The following MYH3 variants were observed in gnomAD, a reference collection of about 807,000 sequenced individuals.
MYH3 encodes myosin heavy chain 3, also known as myosin-3.
A neutral mutation model predicts 238.0 loss-of-function variants in MYH3; 130 were observed. The observed-to-expected ratio is 0.55, with a 90% CI of 0.47 to 0.63. MYH3 has a LOEUF of 0.63. Among genes scored for constraint, MYH3 ranks in the 30% least tolerant of loss-of-function variants. The pLI is 0.00. For missense variants in MYH3, 1,853 were observed against 2,374.9 expected, an observed-to-expected ratio of 0.78 and a Z score of 4.57; for synonymous variants, 880 against 924.1, an observed-to-expected ratio of 0.95 and a Z score of 0.86.
rs373545235 is a variant in MYH3, at chr17:10,642,206, C to G, written c.1959+34G>C. Reference sequence around the variant, plus strand: ...TTGCTCATTTAGATGTCACTTAAATCAATTATAAGCAAATAAACTTGTATT... The same window carrying G: ...TTGCTCATTTAGATGTCACTTAAATGAATTATAAGCAAATAAACTTGTATT... On this transcript the variant is annotated intron_variant, in intron 17 of 40. Coordinates refer to ENST00000583535, the MANE Select transcript of MYH3 (RefSeq NM_002470.4). The surrounding 1 kb of genome is among the most constrained non-coding windows in gnomAD (Gnocchi z 5.4). 6.3e-7 allele frequency: 1 copy of G among 1,580,566 alleles called. No homozygotes were observed. The highest frequency in any genetic ancestry group is 1.3e-5 in the African/African-American group (1 of 74,194).
intron 40 of MYH3, 41 bp from the exon 41 acceptor site, chr17:10,628,720 G>A: frequency 2.5e-6 from 4 of 1,610,846 alleles, no homozygotes; most frequent in East Asian, 2.2e-5. Context: ...TCGGGTGGCA[G>A]AGACACATTC....
rs932728946 is a variant in MYH3, at chr17:10,648,707, C to G, written c.643-58G>C. ...CATTTTTTTTTGAGATGGAGTTACA[C>G]TCTTGTTGCCCAGGCTGCAGTGCAA... On this transcript the variant is annotated intron_variant, in intron 7 of 40. Coordinates refer to ENST00000583535, the MANE Select transcript of MYH3 (RefSeq NM_002470.4). 6.3e-6 allele frequency: 9 copies of G among 1,433,146 alleles called. No individual in the cohort carries two copies. In the Admixed American group the frequency reaches 8.4e-5, roughly 13 times the overall value. The allele number at this position is 1,433,146 out of a possible 1,614,324, so 88.8% of individuals were successfully genotyped here.
rs1597490329 is a variant in MYH3 at position 10,647,298 on chromosome 17, G to C, written c.800-18C>G. On this transcript the variant is annotated intron_variant, in intron 9 of 40. Transcript: ENST00000583535. Reference sequence around the variant, plus strand: ...CAGAAGATCTGGAACACAAACACAGGACTCTCTTTCAAACTGTTCCCAGTT... The same window carrying C: ...CAGAAGATCTGGAACACAAACACAGCACTCTCTTTCAAACTGTTCCCAGTT... 6.2e-7 allele frequency: 1 copy of C among 1,613,580 alleles called. No individual in the cohort carries two copies. The highest frequency in any genetic ancestry group is 8.5e-7 in the Non-Finnish European group (1 of 1,179,478).
At position 10,633,674 on chromosome 17, in the gene MYH3, TG is replaced by T; in HGVS notation, c.4563del (p.Thr1523ProfsTer44). Reference sequence around the variant, plus strand: ...GATTTCTCCAGTTCATGGATGGTTTTGCCATTTTCAGCAATTTGTTCTGTGA... The same window carrying T: ...GATTTCTCCAGTTCATGGATGGTTTTCCATTTTCAGCAATTTGTTCTGTGA... ...ADLTEQIAEN[G>X]KTIHELEKSR... is the part of the protein sequence containing the mutation. On this transcript the variant is annotated frameshift_variant, in exon 33 of 41. Transcript: ENST00000583535. LOFTEE classifies it high-confidence loss of function. 6.2e-7 allele frequency: 1 copy of T among 1,614,126 alleles called. No individual in the cohort carries two copies. The highest frequency in any genetic ancestry group is 8.5e-7 in the Non-Finnish European group (1 of 1,180,014).
the MYH3 span, among the ~76,000 whole-genome samples, chr17:10,671,842 G>A: frequency 6.6e-6 from 1 of 152,250 alleles, no homozygotes; most frequent in South Asian, 2.1e-4. Flanking sequence ...GCCTCCCAAT[G>A]TGCTGGGATT....
At chr17:10,656,537 C>CAAAAAAAAAAAAAAAA (rs71139057) in intron 1 of MYH3, among the ~76,000 whole-genome samples, 2 of 55,898 alleles carry the variant, frequency 3.6e-5, no homozygotes, top group African/African-American at 9.9e-5. Flanking sequence ...AATTCTGTCT[C>CAAAAAAAAAAAAAAAA]AAAAAAAAAA....
chr17:10,655,913 G>T (rs2142433225), intron 2 of MYH3, among the ~76,000 whole-genome samples, 177 bp downstream of exon 2: 1 of 152,240 alleles, frequency 6.6e-6, no homozygotes, highest in South Asian at 2.1e-4. Flanking sequence ...GCCTCTCAAA[G>T]TGCTGGGATT....
intron 23 of MYH3, 40 bp downstream of exon 23, chr17:10,639,520 A>C (rs754725358): frequency 7.4e-6 from 12 of 1,613,982 alleles, no homozygotes; most frequent in African/African-American, 2.7e-5. Flanking sequence ...TTTAGTTTGC[A>C]ATGACTATAT....
At position 10,635,871 on chromosome 17, in the gene MYH3, T is replaced by C. The variant is rs750048610; in HGVS notation, c.3857-18A>G. On this transcript the variant is annotated intron_variant, in intron 28 of 40. Coordinates refer to ENST00000583535, the MANE Select transcript of MYH3 (RefSeq NM_002470.4). ...CAGCTCACCTGTGTCCAGAAGGAAA[T>C]AGTTTCATTTCATTTATTCACTCAT... 1.6e-5 allele frequency: 25 copies of C among 1,593,714 alleles called. No homozygotes were observed. In the South Asian group the frequency reaches 2.0e-4, roughly 13 times the overall value.
chr17:10,630,571 C>T (rs751219935), intron 36 of MYH3, 113 bp from the exon 37 acceptor site: 33 of 1,509,130 alleles, frequency 2.2e-5, no homozygotes, highest in Non-Finnish European at 2.8e-5. Context: ...AAGGACAGGC[C>T]AGGCGCGGTG....
Position 10,637,908 on chromosome 17 carries a change from G to T in MYH3, c.3757C>A (p.Leu1253Met). 1 of 1,614,124 alleles carries T rather than the reference G, an allele frequency of 6.2e-7. No homozygotes were observed. Among genetic ancestry groups the T allele is most frequent in the Non-Finnish European group, 8.5e-7 (1 of 1,180,032 alleles). The change falls in exon 28 of 41, where the codon CTG becomes ATG. Residue 1253 changes from leucine (L) to methionine (M), a missense_variant. Transcript: ENST00000583535. The part of the protein sequence containing the change: ...KANLEKICRT[L>M]EDQLSEARGK... ...CTGGCCTCACTTAACTGATCCTCCA[G>T]GGTTCGGCAGATTTTTTCCAGATTT...
At chr17:10,652,081 A>T in intron 4 of MYH3, 1 of 406,016 alleles carries the variant, frequency 2.5e-6, no homozygotes, top group African/African-American at 2.0e-5. Context: ...ATAAACTTAT[A>T]AAGGGGGGAG....
chr17:10,645,724 T>G lies in MYH3; in HGVS notation c.1124A>C (p.Glu375Ala). Residue 375 changes from glutamate (E) to alanine (A), a missense_variant, in exon 12 of 41, where the codon GAG becomes GCG. Around this residue, in one of 3 missense-constraint regions of MYH3, gnomAD observed 678 missense variants for 1,058.9 expected, o/e 0.64. Coordinates refer to ENST00000583535, the MANE Select transcript of MYH3 (RefSeq NM_002470.4). ...FKQKQREEQA[E>A]PDGTEVADKT... is the part of the protein sequence containing the mutation. ...TTTTGTACCTTCTGTGCCATCCGGC[T>G]CGGCCTGCTCCTCTCGCTGCTTCTG... The G allele has an allele frequency of 6.2e-7, 1 of 1,613,064 alleles. No individual in the cohort carries two copies. The highest frequency in any genetic ancestry group is 8.5e-7 in the Non-Finnish European group (1 of 1,179,996).
rs755306757 is a variant in MYH3 at position 10,642,433 on chromosome 17, C to T, written c.1872G>A (p.Thr624=). Residue 624 remains threonine (T), a synonymous_variant, in exon 16 of 41, where the codon ACG becomes ACA. Transcript: ENST00000583535. This position sits in a 1 kb window ranked among gnomAD's most constrained non-coding sequence, Gnocchi z 5.4. ...TCCTCTTACCATCCGCCGTGGCAAACGTGGCATAGAGGTGTGCCAGGAGCC... is the reference window on the plus strand; with the variant it reads ...TCCTCTTACCATCCGCCGTGGCAAATGTGGCATAGAGGTGTGCCAGGAGCC... The part of the protein sequence containing the change: ...SNRLLAHLYA[T]FATADADSGK... 23 of 1,614,096 alleles carry T rather than the reference C, an allele frequency of 1.4e-5. No homozygotes were observed. Among genetic ancestry groups the T allele is most frequent in the Admixed American group, 5.0e-5 (3 of 60,008 alleles).
At position 10,649,676 on chromosome 17, in the gene MYH3, G is replaced by A. The variant is rs574573501; in HGVS notation, c.543C>T (p.Ser181=). ...TGGTGTTCACAGTCTTTCCTGCCCC[G>A]GATTCTCCGCTGTACAGAGTGATCA... The part of the protein sequence containing the change: ...ENQSILITGE[S]GAGKTVNTKR... Residue 181 remains serine, a synonymous_variant, in exon 7 of 41, where the codon TCC becomes TCT. Transcript: ENST00000583535. The A allele has an allele frequency of 5.6e-5, 90 of 1,613,912 alleles. No individual in the cohort carries two copies. Among genetic ancestry groups the A allele is most frequent in the Admixed American group, 2.2e-4 (13 of 59,996 alleles).
intron 6 of MYH3, among the ~76,000 whole-genome samples, chr17:10,649,939 G>A (rs925688280): frequency 1.3e-5 from 2 of 151,918 alleles, no homozygotes; most frequent in African/African-American, 2.4e-5. Flanking sequence ...TCCCCAAATC[G>A]ATCTTTTTAT....
chr17:10,669,824 T>C, the MYH3 span, among the ~76,000 whole-genome samples: 3 of 152,068 alleles, frequency 2.0e-5, no homozygotes, highest in Non-Finnish European at 4.4e-5. Flanking sequence ...GGTGAGAGGA[T>C]TGCTTGAGCC....
chr17:10,633,867 ACG>A, intron 32 of MYH3, 148 bp downstream of exon 32: 1 of 1,475,722 alleles, frequency 6.8e-7, no homozygotes, highest in Non-Finnish European at 9.4e-7. Context: ...AGAGGCTAAA[ACG>A]TAACCCGTCA....
At chr17:10,669,230 G>T in the MYH3 span, among the ~76,000 whole-genome samples, 6 of 152,040 alleles carry the variant, frequency 3.9e-5, no homozygotes, top group Non-Finnish European at 8.8e-5. Flanking sequence ...TAAATATTTG[G>T]GCCTCAATTT....
Sources: gnomAD v4.1 joint callset for allele counts (sites outside exome capture counted in the v4.1 genomes callset) on GRCh38, gnomAD v4.1.1 for gene constraint, gnomAD v4.1.1 regional missense constraint, Gnocchi (gnomAD v3.1) non-coding constraint, MANE v1.5 for transcripts, NCBI Gene and HGNC (gene_info 2026-07-23, HGNC 2026-07-21) for gene names.